The following LRIF1 variants were observed in gnomAD, a reference collection of about 807,000 sequenced individuals.
The protein encoded by LRIF1 is ligand dependent nuclear receptor interacting factor 1, also known as ligand-dependent nuclear receptor-interacting factor 1.
A neutral mutation model predicts 52.7 loss-of-function variants in LRIF1; 32 were observed. The ratio of observed to expected loss-of-function variants is 0.61; its 90% CI spans 0.46 to 0.82. The LOEUF is 0.82. Ranked by LOEUF, LRIF1 falls within the 40% of genes least tolerant of loss-of-function variation. The pLI is 0.00. For synonymous variants in LRIF1, 323 were observed against 317.4 expected, an observed-to-expected ratio of 1.02 and a Z score of -0.19; for missense variants, 887 against 892.0, an observed-to-expected ratio of 0.99 and a Z score of 0.07.
At position 110,950,108 on chromosome 1, in the gene LRIF1, C is replaced by T; in HGVS notation, c.1612G>A (p.Ala538Thr). ...DQEPKIHNEM[A>T]STSDKGAQGR... The stretch of plus-strand genomic sequence containing the variant: ...TGGGCACCTTTATCTGATGTTGATG[C>T]CATCTCATTATGGATCTGGAATTAG... Residue 538 changes from alanine to threonine, a missense_variant, in exon 3 of 4, where the codon GCA becomes ACA. Coordinates refer to ENST00000369763, the MANE Select transcript of LRIF1 (RefSeq NM_018372.4). 6.2e-7 allele frequency: 1 copy of T among 1,612,000 alleles called. No individual in the cohort carries two copies. The highest frequency in any genetic ancestry group is 8.5e-7 in the Non-Finnish European group (1 of 1,179,000).
At chr1:110,894,636 C>A in the LRIF1 span, among the ~76,000 whole-genome samples, 2 of 152,170 alleles carry the variant, frequency 1.3e-5, no homozygotes, top group Non-Finnish European at 2.9e-5. Flanking sequence ...GTCTCTTCCT[C>A]TACTTGCTTT....
the LRIF1 span, chr1:110,892,197 T>A: frequency 1.4e-6 from 1 of 690,614 alleles, no homozygotes; most frequent in Non-Finnish European, 2.6e-6. Context: ...AATGTAAGCA[T>A]GGAAAAGTTT....
the LRIF1 span, chr1:110,896,608 CT>C: frequency 6.4e-7 from 1 of 1,572,640 alleles, no homozygotes; most frequent in East Asian, 2.2e-5. Context: ...CTTTTTTTCA[CT>C]GTTGACTTTC....
chr1:110,950,028 C>T lies in LRIF1; in HGVS notation c.1692G>A (p.Leu564=). The change falls in exon 3 of 4, where the codon CTG becomes CTA. Residue 564 remains leucine (L), a synonymous_variant. Coordinates refer to ENST00000369763, the MANE Select transcript of LRIF1 (RefSeq NM_018372.4). ...SQGRSNKALH[L]KSDAEFKKIF... ...TCTTTTTAAATTCAGCATCACTCTT[C>T]AGATGTAATGCCTTATTACTTCTTC... 1.2e-6 allele frequency: 2 copies of T among 1,614,050 alleles called. No individual in the cohort carries two copies. The highest frequency in any genetic ancestry group is 1.7e-6 in the Non-Finnish European group (2 of 1,179,946).
intron 1 of LRIF1, among the ~76,000 whole-genome samples, chr1:110,954,083 A>C (rs907887960): frequency 3.3e-5 from 5 of 152,122 alleles, no homozygotes; most frequent in Admixed American, 6.6e-5. Flanking sequence ...AATAATAACG[A>C]TAATAATTAG....
the LRIF1 span, among the ~76,000 whole-genome samples, chr1:110,936,113 A>C: frequency 2.6e-5 from 4 of 152,242 alleles, no homozygotes; most frequent in African/African-American, 7.2e-5. Flanking sequence ...TATTCTTCAC[A>C]CATGAAGGTG....
At chr1:110,902,495 TAAAAAAAAAAAA>T in the LRIF1 span, among the ~76,000 whole-genome samples, 1 of 72,664 alleles carries the variant, frequency 1.4e-5, no homozygotes, top group Admixed American at 1.3e-4. Flanking sequence ...AATCAATCAC[TAAAAAAAAAAAA>T]AAAAAAAAAA....
At chr1:110,915,490 A>AAAAATAAAT in the LRIF1 span, among the ~76,000 whole-genome samples, 1 of 141,850 alleles carries the variant, frequency 7.0e-6, no homozygotes, top group Admixed American at 7.0e-5. Flanking sequence ...TCCGTCTCAA[A>AAAAATAAAT]AAATAAATAA....
At chr1:110,889,382 C>A in the LRIF1 span, among the ~76,000 whole-genome samples, 2 of 151,676 alleles carry the variant, frequency 1.3e-5, no homozygotes, top group Non-Finnish European at 2.9e-5. Context: ...TGGTGAAACC[C>A]CGTCTCTACT....
At chr1:110,894,382 T>C in the LRIF1 span, 1 of 1,613,864 alleles carries the variant, frequency 6.2e-7, no homozygotes, top group South Asian at 1.1e-5. Flanking sequence ...GCCATCCTGC[T>C]CTTTGTATAT....
the LRIF1 span, among the ~76,000 whole-genome samples, chr1:110,879,862 C>A: frequency 1.3e-5 from 2 of 152,144 alleles, no homozygotes; most frequent in Non-Finnish European, 2.9e-5. Context: ...GCCACCATGG[C>A]GAGCCTGATC....
chr1:110,900,973 T>G, the LRIF1 span, among the ~76,000 whole-genome samples: 1 of 152,066 alleles, frequency 6.6e-6, no homozygotes, highest in Non-Finnish European at 1.5e-5. Context: ...GGGAGCCAAA[T>G]GTAGAGAAGT....
downstream of LRIF1, chr1:110,942,229 C>T (rs1658112461): frequency 6.6e-6 from 1 of 152,066 alleles, no homozygotes; most frequent in South Asian, 2.1e-4. Context: ...TACCTATTTT[C>T]CCACAGCCTT....
At chr1:110,897,106 G>C in the LRIF1 span, among the ~76,000 whole-genome samples, 1 of 152,156 alleles carries the variant, frequency 6.6e-6, no homozygotes, top group African/African-American at 2.4e-5. Context: ...CTCTTTCTCT[G>C]CTCTTCTTCC....
At chr1:110,918,834 G>T in the LRIF1 span, among the ~76,000 whole-genome samples, 1 of 151,918 alleles carries the variant, frequency 6.6e-6, no homozygotes, top group Non-Finnish European at 1.5e-5. Flanking sequence ...GGACACTAAA[G>T]AACTACACAC....
chr1:110,889,011 A>G, the LRIF1 span, among the ~76,000 whole-genome samples: 1 of 152,178 alleles, frequency 6.6e-6, no homozygotes, highest in Non-Finnish European at 1.5e-5. Flanking sequence ...GACATATTTT[A>G]TCTTTTATTG....
the LRIF1 span, among the ~76,000 whole-genome samples, chr1:110,882,133 T>G: frequency 6.6e-6 from 1 of 152,162 alleles, no homozygotes; most frequent in South Asian, 2.1e-4. Flanking sequence ...AAGTCCAATT[T>G]ATCAACTTAT....
chr1:110,926,608 TAGAA>T, the LRIF1 span, among the ~76,000 whole-genome samples: 2 of 152,008 alleles, frequency 1.3e-5, no homozygotes, highest in African/African-American at 2.4e-5. Flanking sequence ...AAGTAAAACT[TAGAA>T]AGACATTACA....
Position 110,951,923 on chromosome 1 carries a change from A to C in LRIF1, c.961T>G (p.Phe321Val). 6.2e-7 allele frequency: 1 copy of C among 1,614,028 alleles called. No homozygotes were observed. The highest frequency in any genetic ancestry group is 1.1e-5 in the South Asian group (1 of 91,068). Residue 321 changes from phenylalanine (F) to valine (V), a missense_variant, in exon 2 of 4, where the codon TTT (phenylalanine) becomes GTT (valine). Coordinates refer to ENST00000369763, the MANE Select transcript of LRIF1 (RefSeq NM_018372.4). ...NNVASKILKT[F>V]VDRKNLGDNT... ...TCTCCCAAATTTTTCCTATCTACAA[A>C]AGTTTTTAAAATCTTTGAAGCCACA...
Sources: allele counts gnomAD v4.1 joint callset (sites outside exome capture counted in the v4.1 genomes callset), GRCh38; gene constraint gnomAD v4.1.1; transcripts MANE v1.5; gene names NCBI Gene and HGNC (gene_info 2026-07-23, HGNC 2026-07-21).